APOO: variants seen among roughly 807,000 people sequenced by gnomAD.
The protein encoded by APOO is MICOS complex subunit MIC26.
In APOO, 11 loss-of-function variants were observed where a neutral mutation model predicts 23.1. The observed-to-expected ratio is 0.48, with a 90% CI of 0.30 to 0.79. The LOEUF is 0.79. Among genes scored for constraint, APOO ranks in the 30% least tolerant of loss-of-function variants. The probability of loss-of-function intolerance (pLI) is 0.07; values close to 1 mark genes in which losing one functional copy is unlikely to be tolerated. For synonymous variants in APOO, 59 were observed against 54.8 expected (o/e 1.08, Z -0.34); for missense variants, 160 against 142.7 (o/e 1.12, Z -0.62).
At chrX:23,882,649 CTTTT>C (rs1318433652) in intron 1 of APOO, among the ~76,000 whole-genome samples, 1 of 100,190 alleles carries the variant, frequency 1.0e-5, no homozygotes, top group African/African-American at 3.6e-5. Context: ...AATGGACAAA[CTTTT>C]TTTTTTTTTT....
chrX:23,875,126 T>C (rs1444393994), intron 3 of APOO, among the ~76,000 whole-genome samples: 1 of 109,303 alleles, frequency 9.1e-6, no homozygotes, highest in Non-Finnish European at 1.9e-5. Context: ...GGCACGCGCC[T>C]GTAGTCCCAG....
intron 8 of APOO, chrX:23,837,357 T>G: frequency 1.2e-6 from 1 of 832,097 alleles, no homozygotes. Context: ...CCTAATTTCT[T>G]TATGTATGAT....
chrX:23,863,791 T>C (rs769415920), intron 5 of APOO, among the ~76,000 whole-genome samples: 3 of 109,609 alleles, frequency 2.7e-5, no homozygotes, highest in South Asian at 4.0e-4. Flanking sequence ...TCAGGCCAGA[T>C]TGTAGGAGGA....
At chrX:23,863,714 A>G (rs776712565) in intron 5 of APOO, among the ~76,000 whole-genome samples, 36 of 110,907 alleles carry the variant, frequency 3.2e-4, no homozygotes, top group African/African-American at 1.1e-3. Flanking sequence ...GGAACCCAGG[A>G]AAAGGGGGCT....
chrX:23,858,811 C>A (rs1178980875), intron 5 of APOO, 78 bp from the exon 6 acceptor site: 2 of 917,688 alleles, frequency 2.2e-6, no homozygotes, highest in East Asian at 6.7e-5. Context: ...CCATTTAATA[C>A]GGAACAAGGC....
chrX:23,904,504 G>GT lies in APOO; in HGVS notation c.9+3189dup, dbSNP rs143167112. On this transcript the variant is annotated intron_variant, in intron 1 of 8. Coordinates refer to ENST00000379226, the MANE Select transcript of APOO (RefSeq NM_024122.5). Reference sequence around the variant, plus strand: ...AAGAGATGGGTCCTTGATGACACTGGTTTTTTTTTTTTTTTTTTTTTTGGG... The same window carrying GT: ...AAGAGATGGGTCCTTGATGACACTGGTTTTTTTTTTTTTTTTTTTTTTTGGG... Among the ~76,000 whole-genome samples the GT allele has an allele frequency of 7.3e-3, 386 of 53,096 alleles. 1 individual carries two copies. The highest frequency in any genetic ancestry group is 0.028 in the South Asian group (22 of 776). 46.1% of individuals were successfully genotyped at this position (53,096 alleles called of 115,157 possible).
At chrX:23,858,530 C>A (rs1924874837) in intron 6 of APOO, 112 bp downstream of exon 6, 1 of 702,020 alleles carries the variant, frequency 1.4e-6, no homozygotes, top group East Asian at 3.5e-5. Context: ...TATGTACAAA[C>A]AAATTTTAGT....
At chrX:23,860,879 C>G (rs1201799609) in intron 5 of APOO, among the ~76,000 whole-genome samples, 1 of 108,386 alleles carries the variant, frequency 9.2e-6, no homozygotes, top group Non-Finnish European at 1.9e-5. Context: ...GTGGCTCACA[C>G]CTGTAATCCC....
chrX:23,861,954 C>G (rs1925066788), intron 5 of APOO, among the ~76,000 whole-genome samples: 1 of 109,713 alleles, frequency 9.1e-6, no homozygotes, highest in Non-Finnish European at 1.9e-5. Context: ...CAGACACCCT[C>G]CACCACACCC....
At chrX:23,863,509 G>T in intron 5 of APOO, among the ~76,000 whole-genome samples, 1 of 111,862 alleles carries the variant, frequency 8.9e-6, no homozygotes, top group Non-Finnish European at 1.9e-5. Flanking sequence ...CCAGATGCTA[G>T]AATACATGGC....
intron 6 of APOO, among the ~76,000 whole-genome samples, chrX:23,857,559 AC>A (rs1397795363): frequency 1.3e-4 from 14 of 111,300 alleles, no homozygotes; most frequent in Non-Finnish European, 1.9e-5. Context: ...GGGCCACTGG[AC>A]TCTCACATAC....
intron 7 of APOO, among the ~76,000 whole-genome samples, chrX:23,848,772 G>C (rs1047147199): frequency 2.9e-5 from 3 of 104,947 alleles, no homozygotes; most frequent in African/African-American, 1.0e-4. Flanking sequence ...TGCAACCTCT[G>C]CCTTGCAGCT....
intron 7 of APOO, among the ~76,000 whole-genome samples, chrX:23,844,513 G>C (rs1046630405): frequency 1.8e-5 from 2 of 111,208 alleles, no homozygotes; most frequent in Non-Finnish European, 3.8e-5. Context: ...GGTCAGAAGG[G>C]GGATCTGCAA....
At chrX:23,863,532 G>A (rs1424669118) in intron 5 of APOO, among the ~76,000 whole-genome samples, 1 of 111,744 alleles carries the variant, frequency 8.9e-6, no homozygotes, top group Non-Finnish European at 1.9e-5. Context: ...TGAAAGTTTT[G>A]ATGGCAAACA....
At position 23,907,817 on chromosome X, in the gene APOO, C is replaced by A. The variant is rs953891222; in HGVS notation, c.-115G>T. On this transcript the variant is annotated 5_prime_UTR_variant, in exon 1 of 9. Coordinates refer to ENST00000379226, the MANE Select transcript of APOO (RefSeq NM_024122.5). Reference sequence around the variant, plus strand: ...GATTTCTCCAACCGCAAGCAGGCAGCGGTGCGGGTGACGGCCGTACTGCAA... The same window carrying A: ...GATTTCTCCAACCGCAAGCAGGCAGAGGTGCGGGTGACGGCCGTACTGCAA... 28 of 897,582 alleles carry A rather than the reference C, an allele frequency of 3.1e-5. 1 individual carries two copies. The Admixed American group carries it at 9.4e-4, about 30-fold the overall frequency. 74.0% of individuals were successfully genotyped at this position (897,582 alleles called of 1,213,427 possible).
At chrX:23,885,543 G>A (rs1926332912) in intron 1 of APOO, among the ~76,000 whole-genome samples, 1 of 108,923 alleles carries the variant, frequency 9.2e-6, no homozygotes, top group African/African-American at 3.3e-5. Flanking sequence ...TTACAGGTGT[G>A]AGCCAACACA....
chrX:23,884,687 TAGG>T (rs1601929876), intron 1 of APOO, among the ~76,000 whole-genome samples: 1 of 111,149 alleles, frequency 9.0e-6, no homozygotes, highest in African/African-American at 3.3e-5. Flanking sequence ...AAGTTTCAGT[TAGG>T]AGGAGTAGTT....
intron 1 of APOO, among the ~76,000 whole-genome samples, chrX:23,893,750 T>G (rs1436071685): frequency 9.1e-6 from 1 of 110,201 alleles, no homozygotes; most frequent in Non-Finnish European, 1.9e-5. Context: ...TTTTGTATTT[T>G]CAGTAGAGAT....
intron 5 of APOO, among the ~76,000 whole-genome samples, chrX:23,864,841 C>T (rs1925266162): frequency 9.0e-6 from 1 of 111,528 alleles, no homozygotes; most frequent in African/African-American, 3.3e-5. Context: ...GGCCCCTCCC[C>T]TGCCCCCATC....
Sources: allele counts gnomAD v4.1 joint callset (sites outside exome capture counted in the v4.1 genomes callset), GRCh38; gene constraint gnomAD v4.1.1; transcripts MANE v1.5; gene names NCBI Gene and HGNC (gene_info 2026-07-23, HGNC 2026-07-21).